Variants in NAP1L1 observed in about 807,000 individuals in gnomAD.
NAP1L1 encodes nucleosome assembly protein 1 like 1.
NAP1L1 carries 9 observed loss-of-function variants against 58.9 expected under a neutral mutation model. The ratio of observed to expected loss-of-function variants is 0.15; its 90% CI spans 0.09 to 0.27. The LOEUF (loss-of-function observed/expected upper bound fraction) is 0.27, where lower values mean the gene tolerates loss of function less well. NAP1L1 is among the 10% of genes least tolerant of loss of function. The probability of loss-of-function intolerance (pLI) is 1.00; values close to 1 mark genes in which losing one functional copy is unlikely to be tolerated. For missense variants in NAP1L1, 302 were observed against 458.8 expected (o/e 0.66, Z 3.12); for synonymous variants, 130 against 138.3 (o/e 0.94, Z 0.42).
chr12:76,065,898 C>G (rs1347124467), intron 4 of NAP1L1, among the ~76,000 whole-genome samples: 2 of 151,328 alleles, frequency 1.3e-5, no homozygotes, highest in African/African-American at 4.9e-5. Context: ...ACTATAAAGT[C>G]ATAGTAATTA....
rs150215667 is a variant in NAP1L1 at position 76,058,699 on chromosome 12, CTTTT to C, written c.429+1095_429+1098del. ...CTGCGCCTGGCCTTTCTCTTTCTCT[CTTTT>C]TATTTTTTGAAAAACCCGGTAGACT... On this transcript the variant is annotated intron_variant, in intron 6 of 14. Coordinates refer to ENST00000618691, the MANE Select transcript of NAP1L1 (RefSeq NM_004537.7). Among the ~76,000 whole-genome samples the C allele has an allele frequency of 9.7e-3, 1,474 of 152,186 alleles. 22 individuals carry two copies. The highest frequency in any genetic ancestry group is 0.033 in the African/African-American group (1,367 of 41,530).
At chr12:76,074,792 T>C (rs1950109064) in intron 1 of NAP1L1, among the ~76,000 whole-genome samples, 1 of 152,214 alleles carries the variant, frequency 6.6e-6, no homozygotes, top group African/African-American at 2.4e-5. Flanking sequence ...AATAGCCATT[T>C]AGACTATTTC....
At position 76,042,004 on chromosome 12, in the gene NAP1L1, A is replaced by G. The variant is rs190100291; in HGVS notation, c.*6425T>C. ...AACACATGTATTAAAATAAAACAAG[A>G]AAGGAATGAGATGAGATTTTCAAAC... On this transcript the variant is annotated 3_prime_UTR_variant, in exon 15 of 15. Transcript: ENST00000618691. 2.6e-5 allele frequency: 4 copies of G among 152,338 alleles called. No homozygotes were observed. In the East Asian group the frequency reaches 7.7e-4, roughly 29 times the overall value. 9.4% of individuals were successfully genotyped at this position (152,338 alleles called of 1,614,324 possible).
chr12:76,069,883 A>G (rs1949864688), intron 2 of NAP1L1, among the ~76,000 whole-genome samples: 1 of 152,244 alleles, frequency 6.6e-6, no homozygotes, highest in Non-Finnish European at 1.5e-5. Context: ...CTAGCATTAG[A>G]AAGGAAAATA....
At chr12:76,068,860 T>C in intron 3 of NAP1L1, 49 bp downstream of exon 3, 1 of 1,366,948 alleles carries the variant, frequency 7.3e-7, no homozygotes, top group Non-Finnish European at 1.0e-6. Context: ...TACCCTCTAG[T>C]AGACATGTGC....
chr12:76,054,573 G>A (rs1053923395), intron 8 of NAP1L1, among the ~76,000 whole-genome samples: 3 of 152,082 alleles, frequency 2.0e-5, no homozygotes, highest in African/African-American at 7.2e-5. Flanking sequence ...TAGACTAAAC[G>A]TGAACTTGAC....
In NAP1L1 at chr12:76,058,153, C is replaced by T; in HGVS notation, c.429+1645G>A. ...TTGAAAATTTGTCTGTAGTTAATGGCCTGAACTGACAGTAGATATGGCCAA... is the reference window on the plus strand; with the variant it reads ...TTGAAAATTTGTCTGTAGTTAATGGTCTGAACTGACAGTAGATATGGCCAA... On this transcript the variant is annotated intron_variant, in intron 6 of 14. Coordinates refer to ENST00000618691, the MANE Select transcript of NAP1L1 (RefSeq NM_004537.7). 3 of 651,696 alleles carry T rather than the reference C, an allele frequency of 4.6e-6. No homozygotes were observed. The Admixed American group carries it at 5.6e-5, about 12-fold the overall frequency. The allele number at this position is 651,696 out of a possible 1,614,324, so 40.4% of individuals were successfully genotyped here.
rs1210306439 is a variant in NAP1L1, at chr12:76,047,882, A to C, written c.*547T>G. 6.6e-6 allele frequency: 1 copy of C among 152,574 alleles called. No homozygotes were observed. Among genetic ancestry groups the C allele is most frequent in the African/African-American group, 2.4e-5 (1 of 41,426 alleles). The allele number at this position is 152,574 out of a possible 1,614,324, so 9.5% of individuals were successfully genotyped here. ...TAACTATGTCACCTAAAACACAATA[A>C]TCCATTAACACTCTAATAACAGTTA... is the stretch of plus-strand genomic sequence containing the variant. On this transcript the variant is annotated 3_prime_UTR_variant, in exon 15 of 15. Transcript: ENST00000618691.
At chr12:76,053,059 C>G in intron 11 of NAP1L1, 32 bp downstream of exon 11, 1 of 1,575,854 alleles carries the variant, frequency 6.3e-7, no homozygotes, top group East Asian at 2.2e-5. Context: ...ATATACTTAA[C>G]AATTCAATAA....
chr12:76,045,164 A>G lies in NAP1L1; in HGVS notation c.*3265T>C, dbSNP rs1948588181. ...ATTAGCACATATTTCTCTTTTCTAA[A>G]GCTCCTATGAAGAACTTACACTCTT... On this transcript the variant is annotated 3_prime_UTR_variant, in exon 15 of 15. Coordinates refer to ENST00000618691, the MANE Select transcript of NAP1L1 (RefSeq NM_004537.7). 6.6e-6 allele frequency: 1 copy of G among 152,088 alleles called. No homozygotes were observed. Among genetic ancestry groups the G allele is most frequent in the African/African-American group, 2.4e-5 (1 of 41,438 alleles). The allele number at this position is 152,088 out of a possible 1,614,324, so 9.4% of individuals were successfully genotyped here. A position where few individuals can be genotyped will look rare whatever the true frequency, so the allele number is the denominator to read the frequency against.
At chr12:76,057,892 CA>C in intron 6 of NAP1L1, 4 of 1,326,710 alleles carry the variant, frequency 3.0e-6, no homozygotes, top group Non-Finnish European at 2.1e-6. Flanking sequence ...TTACTATAGC[CA>C]AAATTCCCAG....
chr12:76,039,915 T>A lies in NAP1L1; in HGVS notation c.*8514A>T, dbSNP rs1203706473. 2 of 152,194 alleles carry A rather than the reference T, an allele frequency of 1.3e-5. No individual in the cohort carries two copies. Among genetic ancestry groups the A allele is most frequent in the Non-Finnish European group, 2.9e-5 (2 of 68,040 alleles). 9.4% of individuals were successfully genotyped at this position (152,194 alleles called of 1,614,324 possible). On this transcript the variant is annotated 3_prime_UTR_variant, in exon 15 of 15. Coordinates refer to ENST00000618691, the MANE Select transcript of NAP1L1 (RefSeq NM_004537.7). ...ACTATACATGGAATAGCAATGAAGTTTTTCTCGAAACCTCTCAGTCTAGTT... is the reference window on the plus strand; with the variant it reads ...ACTATACATGGAATAGCAATGAAGTATTTCTCGAAACCTCTCAGTCTAGTT...
intron 4 of NAP1L1, among the ~76,000 whole-genome samples, chr12:76,065,495 A>G (rs1181875526): frequency 1.3e-5 from 2 of 150,692 alleles, no homozygotes; most frequent in African/African-American, 4.9e-5. Flanking sequence ...ACATTACTAC[A>G]ATAAATTTAG....
In NAP1L1 at chr12:76,057,919, G is replaced by C. The variant is rs74102247; in HGVS notation, c.430-1758C>G. Reference sequence around the variant, plus strand: ...AAATTCCCAGAGCAAAGAAATATGTGACAAGGGTTGTGGCCTTGTAACTTT... The same window carrying C: ...AAATTCCCAGAGCAAAGAAATATGTCACAAGGGTTGTGGCCTTGTAACTTT... On this transcript the variant is annotated intron_variant, in intron 6 of 14. Coordinates refer to ENST00000618691, the MANE Select transcript of NAP1L1 (RefSeq NM_004537.7). 4,413 of 1,152,538 alleles carry C rather than the reference G, an allele frequency of 3.8e-3. 111 individuals carry two copies. In the African/African-American group the frequency reaches 0.057, roughly 15 times the overall value. 71.4% of individuals were successfully genotyped at this position (1,152,538 alleles called of 1,614,324 possible).
At chr12:76,078,242 C>T (rs1250262739) in intron 1 of NAP1L1, among the ~76,000 whole-genome samples, 3 of 151,948 alleles carry the variant, frequency 2.0e-5, no homozygotes, top group Non-Finnish European at 2.9e-5. Context: ...TGGTAACCCT[C>T]CCAAATTAAG....
At chr12:76,071,988 C>G (rs1419625332) in intron 2 of NAP1L1, among the ~76,000 whole-genome samples, 3 of 150,820 alleles carry the variant, frequency 2.0e-5, no homozygotes, top group Non-Finnish European at 4.4e-5. Context: ...CATTCTAACA[C>G]TGGGGTTTCT....
At chr12:76,080,172 A>G (rs1432103701) in intron 1 of NAP1L1, among the ~76,000 whole-genome samples, 1 of 152,228 alleles carries the variant, frequency 6.6e-6, no homozygotes, top group Non-Finnish European at 1.5e-5. Context: ...ATCCCACAAG[A>G]TTATAATGGA....
rs140491195 is a variant in NAP1L1, at chr12:76,050,638, C to T, written c.952G>A (p.Ala318Thr). The T allele has an allele frequency of 2.5e-6, 4 of 1,602,884 alleles. No homozygotes were observed. In the African/African-American group the frequency reaches 5.4e-5, roughly 22 times the overall value. Reference sequence around the variant, plus strand: ...ATTTCGAAGTCTGCAGCAAGGATAGCTTCAGCATCATCATCCTATTTTTAA... The same window carrying T: ...ATTTCGAAGTCTGCAGCAAGGATAGTTTCAGCATCATCATCCTATTTTTAA... ...ESGDLDDDAE[A>T]ILAADFEIGH... Residue 318 changes from alanine to threonine, a missense_variant, in exon 12 of 15, where the codon GCT becomes ACT. Ala to Thr is a moderately conservative substitution (Grantham distance 58). Transcript: ENST00000618691.
At chr12:76,057,816 G>GA in intron 6 of NAP1L1, 2 of 1,546,644 alleles carry the variant, frequency 1.3e-6, no homozygotes, top group South Asian at 1.2e-5. Flanking sequence ...AAGAGGAGAA[G>GA]AAAAAACAGA....
Sources: gnomAD v4.1 joint callset for allele counts (sites outside exome capture counted in the v4.1 genomes callset) on GRCh38, gnomAD v4.1.1 for gene constraint, MANE v1.5 for transcripts, NCBI Gene and HGNC (gene_info 2026-07-23, HGNC 2026-07-21) for gene names.